ATG7: variants seen among roughly 807,000 people sequenced by gnomAD.
ATG7 encodes the protein autophagy related 7, also known as ubiquitin-like modifier-activating enzyme ATG7.
In ATG7, 70 loss-of-function variants were observed where a neutral mutation model predicts 82.4. The observed-to-expected ratio is 0.85, with a 90% CI of 0.70 to 1.04. The LOEUF (loss-of-function observed/expected upper bound fraction) is 1.04, where lower values mean the gene tolerates loss of function less well. Ranked by LOEUF, ATG7 falls within the 50% of genes least tolerant of loss-of-function variation. ATG7 has a pLI of 0.00. For synonymous variants in ATG7, 287 were observed against 313.0 expected (o/e 0.92, Z 0.88); for missense variants, 792 against 864.3 (o/e 0.92, Z 1.05).
chr3:11,491,167 G>T (rs1057338581), intron 20 of ATG7, among the ~76,000 whole-genome samples: 12 of 152,076 alleles, frequency 7.9e-5, no homozygotes, highest in African/African-American at 2.4e-4. Flanking sequence ...GGCTTTGTTC[G>T]TTTCTTTTTA....
At chr3:11,472,803 G>C (rs951410735) in intron 20 of ATG7, among the ~76,000 whole-genome samples, 2 of 152,096 alleles carry the variant, frequency 1.3e-5, no homozygotes, top group African/African-American at 2.4e-5. Flanking sequence ...GATAGCTCCA[G>C]TGTTTGTGCT....
chr3:11,439,568 T>G (rs531532453), intron 20 of ATG7, among the ~76,000 whole-genome samples: 1 of 152,262 alleles, frequency 6.6e-6, no homozygotes, highest in South Asian at 2.1e-4. Flanking sequence ...AGCCAGGCTT[T>G]TAGGAGGCAG....
rs541714528 is a variant in ATG7 at position 11,407,102 on chromosome 3, T to A, written c.1957-19702T>A. Among the ~76,000 whole-genome samples, 204 of 152,324 alleles carry A rather than the reference T, an allele frequency of 1.3e-3. 2 individuals are homozygous for A. Among genetic ancestry groups the A allele is most frequent in the African/African-American group, 4.6e-3 (191 of 41,582 alleles). On this transcript the variant is annotated intron_variant, in intron 19 of 20. Coordinates refer to ENST00000693202, the MANE Select transcript of ATG7 (RefSeq NM_001349232.2). ...TGAGCCTATATAAATCAAAAGCAAG[T>A]TAGTTACTTCCTAGATATAATGGGG...
At chr3:11,288,563 A>G (rs1284158520) in intron 3 of ATG7, 3 of 152,114 alleles carry the variant, frequency 2.0e-5, no homozygotes, top group Middle Eastern at 3.2e-3. Context: ...ATTGTTTTAT[A>G]TACATAATAC....
intron 13 of ATG7, 21 bp downstream of exon 13, chr3:11,342,300 G>C: frequency 1.9e-6 from 3 of 1,600,446 alleles, no homozygotes; most frequent in Non-Finnish European, 2.6e-6. Context: ...GGTGGGGGGT[G>C]CAAATGGCAC....
chr3:11,540,160 A>G (rs2070703372), intron 20 of ATG7, among the ~76,000 whole-genome samples: 1 of 152,224 alleles, frequency 6.6e-6, no homozygotes. Flanking sequence ...TGCTGTTGCC[A>G]CCAGCAGAGT....
intron 3 of ATG7, among the ~76,000 whole-genome samples, chr3:11,293,640 G>T (rs1156716925): frequency 6.6e-6 from 1 of 151,818 alleles, no homozygotes; most frequent in Non-Finnish European, 1.5e-5. Flanking sequence ...TTGAGGTCAG[G>T]AGTTTGAGAC....
intron 20 of ATG7, among the ~76,000 whole-genome samples, chr3:11,471,080 T>G (rs544811338): frequency 6.6e-6 from 1 of 152,232 alleles, no homozygotes; most frequent in South Asian, 2.1e-4. Context: ...GCCCAGCCCT[T>G]AGTCTCTGTC....
chr3:11,440,853 T>A (rs1303573279), intron 20 of ATG7, among the ~76,000 whole-genome samples: 2 of 151,590 alleles, frequency 1.3e-5, no homozygotes, highest in Non-Finnish European at 2.9e-5. Context: ...CTGGCTAGTT[T>A]TTGTATTTTT....
intron 20 of ATG7, among the ~76,000 whole-genome samples, chr3:11,485,494 C>G (rs2089518113): frequency 6.6e-6 from 1 of 152,140 alleles, no homozygotes. Context: ...TGTGGGTTGC[C>G]TGTTCACTCT....
At chr3:11,464,774 C>A (rs556370502) in intron 20 of ATG7, among the ~76,000 whole-genome samples, 3 of 152,232 alleles carry the variant, frequency 2.0e-5, no homozygotes, top group African/African-American at 7.2e-5. Flanking sequence ...GGAGTCTGAC[C>A]CCCTATTTTC....
intron 20 of ATG7, among the ~76,000 whole-genome samples, chr3:11,452,591 C>T (rs186312363): frequency 6.6e-6 from 1 of 151,956 alleles, no homozygotes; most frequent in South Asian, 2.1e-4. Context: ...CAGCAAACAG[C>T]GTGGTAGGGA....
downstream of ATG7, among the ~76,000 whole-genome samples, chr3:11,561,144 C>T (rs535787197): frequency 1.3e-5 from 2 of 152,286 alleles, no homozygotes; most frequent in South Asian, 4.1e-4. Flanking sequence ...CAGGGTCCTC[C>T]CAATAAAACT....
chr3:11,319,023 G>C (rs1281299532), intron 9 of ATG7, among the ~76,000 whole-genome samples: 2 of 152,182 alleles, frequency 1.3e-5, no homozygotes, highest in Non-Finnish European at 2.9e-5. Flanking sequence ...CTTTAGCACA[G>C]AATCTTGTTT....
intron 18 of ATG7, among the ~76,000 whole-genome samples, chr3:11,368,089 T>C (rs891733886): frequency 6.6e-6 from 1 of 151,940 alleles, no homozygotes; most frequent in Non-Finnish European, 1.5e-5. Flanking sequence ...TGGGAGATGT[T>C]TGTCTGATTT....
At chr3:11,364,572 T>C (rs935194415) in intron 17 of ATG7, 87 bp from the exon 18 acceptor site, 4 of 1,449,210 alleles carry the variant, frequency 2.8e-6, no homozygotes, top group Non-Finnish European at 3.9e-6. Context: ...GTTATCCTTA[T>C]GAATCTTATG....
intron 9 of ATG7, among the ~76,000 whole-genome samples, chr3:11,324,521 G>C (rs968590921): frequency 6.6e-6 from 1 of 152,118 alleles, no homozygotes; most frequent in African/African-American, 2.4e-5. Flanking sequence ...CCATTTTCAA[G>C]CTGACCTGCT....
the ATG7 span, chr3:11,564,836 G>A: frequency 7.9e-5 from 126 of 1,597,660 alleles, no homozygotes; most frequent in African/African-American, 5.4e-4. Context: ...GCGAGAGGCC[G>A]GCTGGCCTGC....
At chr3:11,324,467 C>A (rs1004569197) in intron 9 of ATG7, among the ~76,000 whole-genome samples, 10 of 152,134 alleles carry the variant, frequency 6.6e-5, no homozygotes, top group African/African-American at 2.4e-4. Flanking sequence ...TCGACGCCTG[C>A]CTTCTGCACT....
Sources: gnomAD v4.1 joint callset for allele counts (sites outside exome capture counted in the v4.1 genomes callset) on GRCh38, gnomAD v4.1.1 for gene constraint, MANE v1.5 for transcripts, NCBI Gene and HGNC (gene_info 2026-07-23, HGNC 2026-07-21) for gene names.